The following EIF3H variants were observed in gnomAD, a reference collection of about 807,000 sequenced individuals.
EIF3H encodes the protein eukaryotic translation initiation factor 3 subunit H, also known as eIF-3-gamma.
A neutral mutation model predicts 44.2 loss-of-function variants in EIF3H; 26 were observed. The ratio of observed to expected loss-of-function variants is 0.59; its 90% CI spans 0.43 to 0.82. The LOEUF is 0.82. Ranked by LOEUF, EIF3H falls within the 40% of genes least tolerant of loss-of-function variation. The pLI is 0.00. For missense variants in EIF3H, 359 were observed against 432.8 expected, an observed-to-expected ratio of 0.83 and a Z score of 1.51; for synonymous variants, 166 against 151.9, an observed-to-expected ratio of 1.09 and a Z score of -0.68.
At chr8:116,710,919 A>T (rs761821298) in intron 2 of EIF3H, among the ~76,000 whole-genome samples, 2 of 152,224 alleles carry the variant, frequency 1.3e-5, no homozygotes, top group Non-Finnish European at 2.9e-5. Context: ...GTAAAGCCAA[A>T]ATCATCAGTA....
intron 2 of EIF3H, among the ~76,000 whole-genome samples, chr8:116,667,468 A>C (rs552765227): frequency 2.6e-5 from 4 of 151,850 alleles, no homozygotes; most frequent in African/African-American, 9.7e-5. Context: ...ACTTCACAAA[A>C]AAAAAAAAAA....
chr8:116,681,280 T>C lies in EIF3H; in HGVS notation c.290-22300A>G, dbSNP rs111497831. The stretch of plus-strand genomic sequence containing the variant: ...CAGGAGGCTGAGGCACGAGAATCAC[T>C]TGAACTGGGAGGCAGAGGTTGTAGT... On this transcript the variant is annotated intron_variant, in intron 2 of 7. Transcript: ENST00000521861. 7.9e-4 allele frequency among the ~76,000 whole-genome samples: 121 copies of C among 152,228 alleles called. 1 individual carries two copies. The highest frequency in any genetic ancestry group is 2.6e-3 in the African/African-American group (109 of 41,534).
chr8:116,680,897 T>C (rs1813976391), intron 2 of EIF3H, among the ~76,000 whole-genome samples: 1 of 151,832 alleles, frequency 6.6e-6, no homozygotes, highest in African/African-American at 2.4e-5. Context: ...ATTTCATGTT[T>C]ATTGCGCATG....
chr8:116,709,314 C>G (rs1382987415), intron 2 of EIF3H, among the ~76,000 whole-genome samples: 3 of 152,110 alleles, frequency 2.0e-5, no homozygotes, highest in East Asian at 3.8e-4. Context: ...AGGAGCAGGT[C>G]TTATTTTAAA....
At chr8:116,676,722 C>T (rs1431985286) in intron 2 of EIF3H, among the ~76,000 whole-genome samples, 1 of 152,206 alleles carries the variant, frequency 6.6e-6, no homozygotes, top group Non-Finnish European at 1.5e-5. Flanking sequence ...CGATGTTCAT[C>T]CTTCAGTCTT....
At chr8:116,759,655 C>T (rs1259920275), upstream of EIF3H, among the ~76,000 whole-genome samples, 1 of 152,104 alleles carries the variant, frequency 6.6e-6, no homozygotes, top group Non-Finnish European at 1.5e-5. Flanking sequence ...TCGGGGTTCA[C>T]CTGGCTCGTT....
chr8:116,733,462 TTAAC>T (rs1251291728), intron 1 of EIF3H, among the ~76,000 whole-genome samples: 1 of 152,158 alleles, frequency 6.6e-6, no homozygotes, highest in East Asian at 1.9e-4. Context: ...CTCATTAGCA[TTAAC>T]TCAGGTGTGA....
At chr8:116,756,118 T>C, upstream of EIF3H, 3 of 1,036,974 alleles carry the variant, frequency 2.9e-6, no homozygotes, top group Non-Finnish European at 4.3e-6. Flanking sequence ...GTGTCTCTTA[T>C]GTAAAAATGC....
At chr8:116,720,166 T>G (rs375507914) in intron 2 of EIF3H, among the ~76,000 whole-genome samples, 1 of 152,216 alleles carries the variant, frequency 6.6e-6, no homozygotes, top group African/African-American at 2.4e-5. Context: ...TTTTTATTAT[T>G]TAATGCTAAA....
At chr8:116,689,744 C>T (rs1814140645) in intron 2 of EIF3H, among the ~76,000 whole-genome samples, 1 of 152,104 alleles carries the variant, frequency 6.6e-6, no homozygotes, top group African/African-American at 2.4e-5. Context: ...CAATGCATTG[C>T]TATTACAAAA....
At chr8:116,707,821 T>C (rs1814496355) in intron 2 of EIF3H, among the ~76,000 whole-genome samples, 1 of 152,178 alleles carries the variant, frequency 6.6e-6, no homozygotes, top group Non-Finnish European at 1.5e-5. Flanking sequence ...GAGTTCAAAG[T>C]TTTCCATAAT....
Position 116,713,763 on chromosome 8 carries a change from T to C in EIF3H, c.289+12253A>G, listed in dbSNP as rs534224827. Among the ~76,000 whole-genome samples the C allele has an allele frequency of 3.2e-4, 48 of 152,268 alleles. 1 individual carries two copies. In the South Asian group the frequency reaches 8.9e-3, roughly 28 times the overall value. ...AATGTAAGTGAGCAATAATCTAAAG[T>C]TCATTGCCCTGATTATTTAGCAGTA... On this transcript the variant is annotated intron_variant, in intron 2 of 7. Transcript: ENST00000521861.
chr8:116,656,700 TTAAAG>T (rs1160787009), intron 4 of EIF3H, among the ~76,000 whole-genome samples: 1 of 152,206 alleles, frequency 6.6e-6, no homozygotes, highest in Non-Finnish European at 1.5e-5. Context: ...TTTAATTTAT[TTAAAG>T]TAAATATTAC....
chr8:116,742,758 C>G (rs550137489), intron 1 of EIF3H, among the ~76,000 whole-genome samples: 5 of 152,310 alleles, frequency 3.3e-5, no homozygotes, highest in Non-Finnish European at 7.4e-5. Context: ...TATAAAGCAA[C>G]TATGATTGCC....
chr8:116,749,373 G>A (rs749501384), intron 1 of EIF3H, among the ~76,000 whole-genome samples: 5 of 152,232 alleles, frequency 3.3e-5, no homozygotes, highest in Non-Finnish European at 5.9e-5. Flanking sequence ...ACCTGATTGT[G>A]TAGGTCAGGA....
chr8:116,699,736 T>C lies in EIF3H; in HGVS notation c.289+26280A>G, dbSNP rs369042490. Among the ~76,000 whole-genome samples the C allele has an allele frequency of 1.4e-4, 21 of 152,356 alleles. No individual in the cohort carries two copies. The East Asian group carries it at 2.3e-3, about 17-fold the overall frequency. On this transcript the variant is annotated intron_variant, in intron 2 of 7. Transcript: ENST00000521861. ...AAATAAATACATATAAATGAATGCATAGGCGCCCTAATTATTCTCTTCTAA... is the reference window on the plus strand; with the variant it reads ...AAATAAATACATATAAATGAATGCACAGGCGCCCTAATTATTCTCTTCTAA...
intron 2 of EIF3H, among the ~76,000 whole-genome samples, chr8:116,697,930 A>G (rs375536586): frequency 6.6e-6 from 1 of 152,226 alleles, no homozygotes; most frequent in East Asian, 1.9e-4. Context: ...ACTTTTGTGA[A>G]AAATAACAAT....
intron 5 of EIF3H, 112 bp downstream of exon 5, chr8:116,655,744 C>T: frequency 8.6e-7 from 1 of 1,156,424 alleles, no homozygotes. Context: ...TTTTAAGAAC[C>T]TATAAACGTT....
intron 2 of EIF3H, among the ~76,000 whole-genome samples, chr8:116,703,657 T>G (rs1048968856): frequency 3.9e-5 from 6 of 152,190 alleles, no homozygotes; most frequent in Non-Finnish European, 7.3e-5. Context: ...AGGGCCCCTG[T>G]CCGGTGGACA....
Sources: allele counts gnomAD v4.1 joint callset (sites outside exome capture counted in the v4.1 genomes callset), GRCh38; gene constraint gnomAD v4.1.1; transcripts MANE v1.5; gene names NCBI Gene and HGNC (gene_info 2026-07-23, HGNC 2026-07-21).